Variants in FAF1 observed in about 807,000 individuals in gnomAD.
The protein encoded by FAF1 is FAS-associated factor 1.
A neutral mutation model predicts 92.5 loss-of-function variants in FAF1; 25 were observed. The ratio of observed to expected loss-of-function variants is 0.27; its 90% CI spans 0.20 to 0.38. FAF1 has a LOEUF of 0.38. Among genes scored for constraint, FAF1 ranks in the 10% least tolerant of loss-of-function variants. The pLI, the probability that FAF1 is intolerant of heterozygous loss-of-function variation, is 1.00. For synonymous variants in FAF1, 234 were observed against 273.2 expected (o/e 0.86, Z 1.42); for missense variants, 636 against 793.3 (o/e 0.80, Z 2.38).
intron 18 of FAF1, chr1:50,469,576 T>C (rs1646544547): frequency 6.6e-6 from 1 of 152,116 alleles, no homozygotes; most frequent in Non-Finnish European, 1.5e-5. Context: ...TGCAGGCCAT[T>C]AGAACCCACT....
intron 2 of FAF1, among the ~76,000 whole-genome samples, chr1:50,822,779 T>C (rs1210332288): frequency 6.7e-6 from 1 of 149,390 alleles, no homozygotes; most frequent in Admixed American, 6.6e-5. Context: ...TCTTTCTTTT[T>C]TTTTTTTTTT....
In FAF1 at chr1:50,738,863, C is replaced by G; in HGVS notation, c.551G>C (p.Gly184Ala). The change falls in exon 6 of 19, where the codon GGT becomes GCT. Residue 184 changes from glycine to alanine, a missense_variant and splice_region_variant. This residue lies in a region of FAF1 where 317 missense variants were observed against 342.4 expected (regional missense o/e 0.93). Transcript: ENST00000396153. Reference sequence around the variant, plus strand: ...TTCCCAGGAAATATAAACAACTTACCCAGCATGACTAGATGATGAAGGTGG... The same window carrying G: ...TTCCCAGGAAATATAAACAACTTACGCAGCATGACTAGATGATGAAGGTGG... ...LPPPSSSSHA[G>A]ALQESLNQNF... 6.3e-7 allele frequency: 1 copy of G among 1,585,236 alleles called. No individual in the cohort carries two copies.
chr1:50,760,649 G>C (rs1174386877), intron 4 of FAF1, among the ~76,000 whole-genome samples: 1 of 151,998 alleles, frequency 6.6e-6, no homozygotes, highest in Middle Eastern at 3.2e-3. Flanking sequence ...CGAGAACAAA[G>C]ACACAACATA....
chr1:50,621,705 C>A (rs996138106), intron 8 of FAF1, among the ~76,000 whole-genome samples: 5 of 151,970 alleles, frequency 3.3e-5, no homozygotes, highest in Admixed American at 6.6e-5. Flanking sequence ...TGGCCCAGCC[C>A]CGATCTTTCT....
At chr1:50,471,508 C>G (rs947291475) in intron 18 of FAF1, among the ~76,000 whole-genome samples, 16 of 152,158 alleles carry the variant, frequency 1.1e-4, no homozygotes. Context: ...GTTATAGTTA[C>G]AGAGATAAAA....
chr1:50,500,268 A>G (rs1173167697), intron 15 of FAF1, among the ~76,000 whole-genome samples: 3 of 152,196 alleles, frequency 2.0e-5, no homozygotes, highest in African/African-American at 7.2e-5. Flanking sequence ...AAGATTTATT[A>G]CAAAGCTGAA....
At chr1:50,643,067 T>C (rs1274513473) in intron 8 of FAF1, among the ~76,000 whole-genome samples, 1 of 152,164 alleles carries the variant, frequency 6.6e-6, no homozygotes, top group Admixed American at 6.6e-5. Flanking sequence ...TGACCTCAGG[T>C]GATCCGCCCG....
chr1:50,891,206 T>C (rs1644717031), intron 1 of FAF1, among the ~76,000 whole-genome samples: 2 of 152,352 alleles, frequency 1.3e-5, no homozygotes, highest in South Asian at 4.1e-4. Context: ...GGTTTTCAGT[T>C]CCATCATGTC....
intron 1 of FAF1, among the ~76,000 whole-genome samples, chr1:50,914,273 A>G (rs57183177): frequency 0.066 from 10,076 of 152,286 alleles, 412 homozygotes; most frequent in East Asian, 0.094. Context: ...CAAATACACC[A>G]AAGAGGAAAT....
At chr1:50,608,414 G>A (rs1359306320) in intron 8 of FAF1, among the ~76,000 whole-genome samples, 1 of 152,192 alleles carries the variant, frequency 6.6e-6, no homozygotes, top group Non-Finnish European at 1.5e-5. Flanking sequence ...TGGACCCAAA[G>A]GAGGGGAAAG....
At chr1:50,738,504 A>G (rs896396532) in intron 6 of FAF1, among the ~76,000 whole-genome samples, 4 of 152,060 alleles carry the variant, frequency 2.6e-5, no homozygotes, top group Admixed American at 2.0e-4. Context: ...GCAGAGCTCA[A>G]TGAATTTTCC....
chr1:50,688,673 G>A (rs750656473), intron 7 of FAF1, among the ~76,000 whole-genome samples: 18 of 152,070 alleles, frequency 1.2e-4, no homozygotes, highest in Non-Finnish European at 2.5e-4. Context: ...TTAGCCGGGC[G>A]TTGTGGCGCA....
At chr1:50,699,009 A>G (rs923979801) in intron 7 of FAF1, among the ~76,000 whole-genome samples, 1 of 152,076 alleles carries the variant, frequency 6.6e-6, no homozygotes, top group African/African-American at 2.4e-5. Context: ...TAAGAAGACT[A>G]TGAAACATTT....
intron 4 of FAF1, among the ~76,000 whole-genome samples, chr1:50,764,904 C>T (rs1660507996): frequency 6.6e-6 from 1 of 152,160 alleles, no homozygotes; most frequent in South Asian, 2.1e-4. Flanking sequence ...TTCAATTTTA[C>T]ATGAAAATGT....
intron 12 of FAF1, among the ~76,000 whole-genome samples, chr1:50,576,023 G>C (rs1372658929): frequency 6.6e-6 from 1 of 152,116 alleles, no homozygotes; most frequent in Non-Finnish European, 1.5e-5. Context: ...TAATTTTTGT[G>C]GTAGAAATGT....
Position 50,960,184 on chromosome 1 carries a change from C to G in FAF1, c.-373G>C. 1 of 310,922 alleles carries G rather than the reference C, an allele frequency of 3.2e-6. No homozygotes were observed. Among genetic ancestry groups the G allele is most frequent in the Non-Finnish European group, 5.9e-6 (1 of 168,124 alleles). The allele number at this position is 310,922 out of a possible 1,614,324, so 19.3% of individuals were successfully genotyped here. A position where few individuals can be genotyped will look rare whatever the true frequency, so the allele number is the denominator to read the frequency against. ...GTTAAGCCCGGCGGGGGCGGGGAAA[C>G]CGAGCGAGCGAGCGGGCGGGCGAAC... On this transcript the variant is annotated 5_prime_UTR_variant, in exon 1 of 19. Coordinates refer to ENST00000396153, the MANE Select transcript of FAF1 (RefSeq NM_007051.3).
intron 8 of FAF1, among the ~76,000 whole-genome samples, chr1:50,648,764 T>A (rs1019271108): frequency 6.6e-6 from 1 of 152,036 alleles, no homozygotes; most frequent in Non-Finnish European, 1.5e-5. Context: ...CCAGCTCTAC[T>A]AAAAATATAA....
intron 7 of FAF1, among the ~76,000 whole-genome samples, chr1:50,664,716 C>A (rs999517996): frequency 2.0e-5 from 3 of 152,222 alleles, no homozygotes; most frequent in African/African-American, 7.2e-5. Context: ...ATAGCGTGAA[C>A]CCAGGAGGCG....
intron 7 of FAF1, among the ~76,000 whole-genome samples, chr1:50,689,757 T>A (rs958964758): frequency 6.6e-6 from 1 of 152,196 alleles, no homozygotes; most frequent in Non-Finnish European, 1.5e-5. Flanking sequence ...TCAGTCTTAA[T>A]GAATAAAATA....
Sources: allele counts gnomAD v4.1 joint callset (sites outside exome capture counted in the v4.1 genomes callset), GRCh38; gene constraint gnomAD v4.1.1; regional missense constraint gnomAD v4.1.1; transcripts MANE v1.5; gene names NCBI Gene and HGNC (gene_info 2026-07-23, HGNC 2026-07-21).